TNNI3K: variants seen among roughly 807,000 people sequenced by gnomAD.
The protein encoded by TNNI3K is serine/threonine-protein kinase TNNI3K.
Under a neutral mutation model 114.5 loss-of-function variants are expected in TNNI3K, and 140 were observed. The observed-to-expected ratio is 1.22, with a 90% CI of 1.07 to 1.41. The LOEUF is 1.41. Ranked by LOEUF, TNNI3K falls within the 40% of genes most tolerant of loss-of-function variation. The pLI is 0.00. For synonymous variants in TNNI3K, 347 were observed against 347.5 expected (o/e 1.00, Z 0.02); for missense variants, 1,125 against 1,007.6 (o/e 1.12, Z -1.58).
intron 17 of TNNI3K, among the ~76,000 whole-genome samples, chr1:74,409,001 A>T (rs923440519): frequency 2.0e-5 from 3 of 152,156 alleles, no homozygotes; most frequent in African/African-American, 7.2e-5. Flanking sequence ...ACAAAAAAAA[A>T]AAAAATAGAG....
intron 20 of TNNI3K, among the ~76,000 whole-genome samples, chr1:74,445,846 G>T (rs1171803599): frequency 1.3e-5 from 2 of 151,972 alleles, no homozygotes; most frequent in African/African-American, 4.8e-5. Context: ...TCCTGACCTC[G>T]TGATCCGCCC....
chr1:74,381,539 A>T lies in TNNI3K; in HGVS notation c.1772+11147A>T, dbSNP rs528738196. 3.3e-5 allele frequency among the ~76,000 whole-genome samples: 5 copies of T among 152,222 alleles called. No homozygotes were observed. The South Asian group carries it at 1.0e-3, about 32-fold the overall frequency. On this transcript the variant is annotated intron_variant, in intron 17 of 24. Transcript: ENST00000326637. ...ACAAACTTTGCTTATAATATCTCAG[A>T]TGGATAATTTCTTCTTGCCCTAAAG...
chr1:74,256,800 A>G (rs1655342691), intron 4 of TNNI3K, among the ~76,000 whole-genome samples: 1 of 152,108 alleles, frequency 6.6e-6, no homozygotes, highest in African/African-American at 2.4e-5. Flanking sequence ...TCTATACATG[A>G]TAAGAACCTA....
chr1:74,489,205 C>T lies in TNNI3K; in HGVS notation c.2138C>T (p.Ser713Phe). The stretch of plus-strand genomic sequence containing the variant: ...TATTTACAGGGAAGACCCGAATTTT[C>T]TGAAGTTGTCATGAAGTTAGAAGAG... ...NACPEGRPEF[S>F]EVVMKLEECL... Residue 713 changes from serine (S) to phenylalanine (F), a missense_variant, in exon 22 of 25, where the codon TCT (serine) becomes TTT (phenylalanine). Coordinates refer to ENST00000326637, the MANE Select transcript of TNNI3K (RefSeq NM_015978.3). 6.2e-7 allele frequency: 1 copy of T among 1,611,268 alleles called. No homozygotes were observed.
At chr1:74,362,194 A>G (rs563015796) in intron 11 of TNNI3K, among the ~76,000 whole-genome samples, 2 of 152,160 alleles carry the variant, frequency 1.3e-5, no homozygotes, top group South Asian at 2.1e-4. Flanking sequence ...CCACTTTTCA[A>G]TGCTTCTGGA....
intron 4 of TNNI3K, among the ~76,000 whole-genome samples, chr1:74,268,104 T>C (rs569911786): frequency 1.3e-5 from 2 of 152,112 alleles, no homozygotes; most frequent in East Asian, 3.9e-4. Context: ...GTAAACAATT[T>C]GTCAGTTTTA....
At chr1:74,511,995 C>A (rs574230751) in intron 23 of TNNI3K, among the ~76,000 whole-genome samples, 2 of 152,192 alleles carry the variant, frequency 1.3e-5, no homozygotes, top group Admixed American at 1.3e-4. Context: ...GTTCAGTACC[C>A]AAGGAAAATC....
chr1:74,277,035 A>G (rs993243916), intron 5 of TNNI3K, among the ~76,000 whole-genome samples: 1 of 152,192 alleles, frequency 6.6e-6, no homozygotes, highest in African/African-American at 2.4e-5. Context: ...AGATCCTGTC[A>G]GCAATCAATA....
chr1:74,491,965 C>T (rs1669099120), intron 22 of TNNI3K, 132 bp from the exon 23 acceptor site: 1 of 1,315,766 alleles, frequency 7.6e-7, no homozygotes, highest in South Asian at 2.5e-5. Context: ...AAGGAAAAGC[C>T]AGGAGCAAGC....
At chr1:74,392,268 A>C (rs574348928) in intron 17 of TNNI3K, among the ~76,000 whole-genome samples, 1 of 152,310 alleles carries the variant, frequency 6.6e-6, no homozygotes, top group East Asian at 1.9e-4. Flanking sequence ...TAAGGGAATA[A>C]TCTGGTACAG....
chr1:74,357,274 A>G (rs1171281323), intron 11 of TNNI3K, among the ~76,000 whole-genome samples: 1 of 152,140 alleles, frequency 6.6e-6, no homozygotes, highest in East Asian at 1.9e-4. Flanking sequence ...ATCCCGGGAG[A>G]GATAAACAAG....
At chr1:74,540,499 G>A (rs1646713567) in intron 24 of TNNI3K, among the ~76,000 whole-genome samples, 186 bp downstream of exon 24, 1 of 151,748 alleles carries the variant, frequency 6.6e-6, no homozygotes, top group Non-Finnish European at 1.5e-5. Flanking sequence ...GGTTAATAAT[G>A]TCTGTGTGAG....
At chr1:74,334,671 C>G (rs1353504384) in intron 6 of TNNI3K, among the ~76,000 whole-genome samples, 1 of 152,160 alleles carries the variant, frequency 6.6e-6, no homozygotes, top group East Asian at 1.9e-4. Flanking sequence ...CTCTCTGACC[C>G]TATGGATGTA....
intron 4 of TNNI3K, among the ~76,000 whole-genome samples, chr1:74,256,963 G>A (rs1249308146): frequency 6.6e-6 from 1 of 152,092 alleles, no homozygotes; most frequent in East Asian, 1.9e-4. Flanking sequence ...TTTTATATCT[G>A]TAAATTTATG....
In TNNI3K at chr1:74,413,045, T is replaced by C. The variant is rs574039191; in HGVS notation, c.1773-23035T>C. ...AGAAAAGAATACAAAACAGGTGTTA[T>C]TAGTGATGTCAGGTTAACAATGCCA... On this transcript the variant is annotated intron_variant, in intron 17 of 24. Coordinates refer to ENST00000326637, the MANE Select transcript of TNNI3K (RefSeq NM_015978.3). Among the ~76,000 whole-genome samples the C allele has an allele frequency of 5.8e-3, 883 of 152,322 alleles. 7 individuals carry two copies. The highest frequency in any genetic ancestry group is 0.02 in the African/African-American group (832 of 41,570).
chr1:74,304,187 T>G (rs1267815518), intron 5 of TNNI3K, among the ~76,000 whole-genome samples: 9 of 152,220 alleles, frequency 5.9e-5, no homozygotes, highest in Admixed American at 5.9e-4. Flanking sequence ...TGAAAGAAGT[T>G]CTACTGTGAG....
intron 23 of TNNI3K, among the ~76,000 whole-genome samples, chr1:74,535,302 T>G (rs1021553741): frequency 6.6e-6 from 1 of 152,064 alleles, no homozygotes; most frequent in Non-Finnish European, 1.5e-5. Context: ...AAGCCCCATC[T>G]CTACTAAAAA....
intron 5 of TNNI3K, among the ~76,000 whole-genome samples, chr1:74,287,877 G>A (rs542355171): frequency 3.8e-4 from 57 of 151,964 alleles, no homozygotes; most frequent in Non-Finnish European, 6.8e-4. Context: ...ATTCAACTCA[G>A]CAACTCAGTA....
chr1:74,392,105 A>G (rs1392085713), intron 17 of TNNI3K, among the ~76,000 whole-genome samples: 4 of 152,048 alleles, frequency 2.6e-5, no homozygotes, highest in South Asian at 2.1e-4. Context: ...TGACTTCACA[A>G]TAAGTTTATC....
Sources: gnomAD v4.1 joint callset for allele counts (sites outside exome capture counted in the v4.1 genomes callset) on GRCh38, gnomAD v4.1.1 for gene constraint, MANE v1.5 for transcripts, NCBI Gene and HGNC (gene_info 2026-07-23, HGNC 2026-07-21) for gene names.